PDE4D: variants seen among roughly 807,000 people sequenced by gnomAD.
PDE4D encodes 3',5'-cyclic-AMP phosphodiesterase 4D.
In PDE4D, 24 loss-of-function variants were observed where a neutral mutation model predicts 87.4. The ratio of observed to expected loss-of-function variants is 0.27; its 90% CI spans 0.20 to 0.39. PDE4D has a LOEUF of 0.39. PDE4D is among the 10% of genes least tolerant of loss of function. The pLI, the probability that PDE4D is intolerant of heterozygous loss-of-function variation, is 1.00. For synonymous variants in PDE4D, 384 were observed against 383.2 expected, an observed-to-expected ratio of 1.00 and a Z score of -0.02; for missense variants, 714 against 1,041.0, an observed-to-expected ratio of 0.69 and a Z score of 4.32.
chr5:59,197,100 G>A (rs1745620006), intron 2 of PDE4D, among the ~76,000 whole-genome samples: 1 of 151,874 alleles, frequency 6.6e-6, no homozygotes, highest in Non-Finnish European at 1.5e-5. Flanking sequence ...ATCTTGACAA[G>A]GCACATCATC....
At chr5:60,310,483 T>C (rs1411124000) in intron 1 of PDE4D, among the ~76,000 whole-genome samples, 2 of 152,180 alleles carry the variant, frequency 1.3e-5, no homozygotes, top group Non-Finnish European at 2.9e-5. Flanking sequence ...TTCTGCAAAG[T>C]TCCAGTGGGT....
chr5:59,406,798 C>T (rs2153617518), intron 1 of PDE4D, among the ~76,000 whole-genome samples: 1 of 152,232 alleles, frequency 6.6e-6, no homozygotes, highest in African/African-American at 2.4e-5. Flanking sequence ...CCTTTTGTTT[C>T]ATTAATGTGA....
chr5:60,040,258 G>A (rs1768317843), intron 2 of PDE4D, among the ~76,000 whole-genome samples: 1 of 152,176 alleles, frequency 6.6e-6, no homozygotes. Flanking sequence ...TGGTACTAGT[G>A]TGCTGCTGTG....
chr5:60,259,964 A>C (rs368724045), intron 1 of PDE4D, among the ~76,000 whole-genome samples: 1 of 152,026 alleles, frequency 6.6e-6, no homozygotes, highest in East Asian at 1.9e-4. Context: ...AAAGAGAAAA[A>C]AAAAGGAACT....
chr5:59,625,598 T>C (rs1048468521), intron 1 of PDE4D, among the ~76,000 whole-genome samples: 2 of 152,156 alleles, frequency 1.3e-5, no homozygotes, highest in Admixed American at 1.3e-4. Flanking sequence ...ATCTGGATAA[T>C]TTATTGCTGC....
intron 2 of PDE4D, among the ~76,000 whole-genome samples, chr5:60,139,470 G>A (rs1780332007): frequency 6.6e-6 from 1 of 152,016 alleles, no homozygotes; most frequent in African/African-American, 2.4e-5. Context: ...ATGCAGTCAG[G>A]TAAGTTTAAA....
chr5:59,621,025 C>G (rs1554044803), intron 1 of PDE4D, among the ~76,000 whole-genome samples: 1 of 150,958 alleles, frequency 6.6e-6, no homozygotes. Flanking sequence ...TTTTTTGTGG[C>G]CCCCTAGAGT....
chr5:59,823,663 T>C (rs1769972024), intron 1 of PDE4D, among the ~76,000 whole-genome samples: 1 of 152,046 alleles, frequency 6.6e-6, no homozygotes, highest in South Asian at 2.1e-4. Context: ...GGAACTCTTC[T>C]GTAGTTTCTG....
chr5:59,149,352 A>T (rs1779123745), intron 5 of PDE4D, among the ~76,000 whole-genome samples: 1 of 152,130 alleles, frequency 6.6e-6, no homozygotes, highest in Admixed American at 6.6e-5. Flanking sequence ...TTCAGGTGCT[A>T]TCCTATTTGG....
At chr5:60,350,716 T>G (rs1759110199) in intron 1 of PDE4D, among the ~76,000 whole-genome samples, 1 of 152,176 alleles carries the variant, frequency 6.6e-6, no homozygotes, top group South Asian at 2.1e-4. Flanking sequence ...TAAACTAATT[T>G]TCAGATTTGG....
At chr5:59,494,040 C>A (rs1467133437) in intron 1 of PDE4D, among the ~76,000 whole-genome samples, 2 of 152,186 alleles carry the variant, frequency 1.3e-5, no homozygotes, top group African/African-American at 4.8e-5. Context: ...GGAAACTTGG[C>A]TTTGACCCTA....
intron 1 of PDE4D, among the ~76,000 whole-genome samples, chr5:59,490,769 TA>T (rs1806032495): frequency 1.3e-5 from 2 of 152,204 alleles, no homozygotes; most frequent in Admixed American, 1.3e-4. Flanking sequence ...GGTAAAGATA[TA>T]ATACATTTTT....
At chr5:59,539,541 A>C (rs1488233906) in intron 1 of PDE4D, among the ~76,000 whole-genome samples, 1 of 152,120 alleles carries the variant, frequency 6.6e-6, no homozygotes, top group Non-Finnish European at 1.5e-5. Context: ...TTCTCTACAT[A>C]ATTAAAACAC....
chr5:59,236,135 T>C (rs564060283), intron 1 of PDE4D, among the ~76,000 whole-genome samples: 4 of 152,308 alleles, frequency 2.6e-5, no homozygotes, highest in Admixed American at 1.3e-4. Context: ...TAGGACCTGA[T>C]AGCTATTTTT....
chr5:59,033,716 CTTT>C (rs1434349905), intron 6 of PDE4D, among the ~76,000 whole-genome samples: 2 of 152,068 alleles, frequency 1.3e-5, no homozygotes, highest in Admixed American at 6.6e-5. Flanking sequence ...AAAAATACTT[CTTT>C]TATCATGGGC....
intron 5 of PDE4D, among the ~76,000 whole-genome samples, chr5:59,168,113 G>A (rs752451352): frequency 1.1e-4 from 16 of 151,726 alleles, no homozygotes; most frequent in East Asian, 1.9e-4. Flanking sequence ...GAAGGAAGAC[G>A]GCACACTAGA....
rs1761606254 is a variant in PDE4D, at chr5:60,378,570, AG to A, written c.-90+109371del. Among the ~76,000 whole-genome samples, 7 of 152,234 alleles carry A rather than the reference AG, an allele frequency of 4.6e-5. No individual in the cohort carries two copies. In the South Asian group the frequency reaches 1.5e-3, roughly 32 times the overall value. ...GTAAAATACTTTTAAAAGAAAAAAAAGGGCCAGGCATGGTGGCTCATACCTG... is the reference window on the plus strand; with the variant it reads ...GTAAAATACTTTTAAAAGAAAAAAAAGGCCAGGCATGGTGGCTCATACCTG... On this transcript the variant is annotated intron_variant, in intron 1 of 16. Coordinates refer to the PDE4D transcript ENST00000502484.
In PDE4D at chr5:59,400,929, T is replaced by C. The variant is rs180943114; in HGVS notation, c.456-184961A>G. 1.2e-3 allele frequency among the ~76,000 whole-genome samples: 177 copies of C among 152,276 alleles called. 1 individual carries two copies. The highest frequency in any genetic ancestry group is 4.1e-3 in the African/African-American group (172 of 41,556). On this transcript the variant is annotated intron_variant, in intron 1 of 14. Transcript: ENST00000340635. ...TTACATAAATATGCATGTATGCATA[T>C]ATACAGGTTGAGCATCCCCATCCAA...
chr5:59,078,960 C>T (rs368886982), intron 5 of PDE4D, among the ~76,000 whole-genome samples: 1 of 152,168 alleles, frequency 6.6e-6, no homozygotes, highest in African/African-American at 2.4e-5. Flanking sequence ...GTCTATCTCT[C>T]TCCCTTTTGC....
Sources: allele counts gnomAD v4.1 joint callset (sites outside exome capture counted in the v4.1 genomes callset), GRCh38; gene constraint gnomAD v4.1.1; transcripts MANE v1.5; gene names NCBI Gene and HGNC (gene_info 2026-07-23, HGNC 2026-07-21).